TSPAN9: variants seen among roughly 807,000 people sequenced by gnomAD.
The protein encoded by TSPAN9 is tetraspanin-9.
TSPAN9 carries 16 observed loss-of-function variants against 31.0 expected under a neutral mutation model. That is an observed-to-expected ratio of 0.52 (90% confidence interval 0.35 to 0.78). The LOEUF is 0.78. Ranked by LOEUF, TSPAN9 falls within the 30% of genes least tolerant of loss-of-function variation. The pLI, the probability that TSPAN9 is intolerant of heterozygous loss-of-function variation, is 0.01. For synonymous variants in TSPAN9, 145 were observed against 121.6 expected (o/e 1.19, Z -1.27); for missense variants, 272 against 312.5 (o/e 0.87, Z 0.98).
In TSPAN9 at chr12:3,233,075, C is replaced by T. The variant is rs572661835; in HGVS notation, c.63+31819C>T. 2.0e-5 allele frequency among the ~76,000 whole-genome samples: 3 copies of T among 152,284 alleles called. No individual in the cohort carries two copies. In the South Asian group the frequency reaches 6.2e-4, roughly 32 times the overall value. ...CACAGGTGTGGGGAGGAAAGCCACCCAGGAATGGGGACAGAGAACTTGAGA... is the reference window on the plus strand; with the variant it reads ...CACAGGTGTGGGGAGGAAAGCCACCTAGGAATGGGGACAGAGAACTTGAGA... On this transcript the variant is annotated intron_variant, in intron 3 of 8. Coordinates refer to ENST00000011898, the MANE Select transcript of TSPAN9 (RefSeq NM_006675.5).
chr12:3,118,256 GTTTTTT>G (rs72307230), intron 2 of TSPAN9, among the ~76,000 whole-genome samples: 2,590 of 31,478 alleles, frequency 0.082, 148 homozygotes, highest in African/African-American at 0.21. Flanking sequence ...TGCACCCGCC[GTTTTTT>G]TTTTTTTTTT....
At chr12:3,231,478 G>GA (rs1214938305) in intron 3 of TSPAN9, among the ~76,000 whole-genome samples, 12 of 152,188 alleles carry the variant, frequency 7.9e-5, no homozygotes, top group African/African-American at 2.9e-4. Context: ...GCGTCACTAC[G>GA]GAGAGATGCC....
At position 3,077,408 on chromosome 12, in the gene TSPAN9, T is replaced by C. The variant is rs1252231920; in HGVS notation, c.-130T>C. 1 of 142,558 alleles carries C rather than the reference T, an allele frequency of 7.0e-6. No individual in the cohort carries two copies. The highest frequency in any genetic ancestry group is 2.6e-5 in the African/African-American group (1 of 38,204). The allele number at this position is 142,558 out of a possible 1,614,324, so 8.8% of individuals were successfully genotyped here. On this transcript the variant is annotated 5_prime_UTR_variant, in exon 1 of 9. Coordinates refer to ENST00000011898, the MANE Select transcript of TSPAN9 (RefSeq NM_006675.5). ...CCGCTGGCGGCGGCGGCGGCGGCGGTGCCGGAGCGCGAGCAGAGCGGAGAC... is the reference window on the plus strand; with the variant it reads ...CCGCTGGCGGCGGCGGCGGCGGCGGCGCCGGAGCGCGAGCAGAGCGGAGAC...
intron 8 of TSPAN9, among the ~76,000 whole-genome samples, chr12:3,282,299 C>G (rs1862910183): frequency 6.6e-6 from 1 of 152,184 alleles, no homozygotes; most frequent in Admixed American, 6.5e-5. Context: ...GTGACGTGGT[C>G]CTGAGCACAC....
chr12:3,175,831 C>T (rs776249764), intron 2 of TSPAN9, among the ~76,000 whole-genome samples: 2 of 152,142 alleles, frequency 1.3e-5, no homozygotes, highest in Non-Finnish European at 2.9e-5. Context: ...TACTTAACAC[C>T]GACCCTGGAA....
In TSPAN9 at chr12:3,280,666, A is replaced by G. The variant is rs1294750395; in HGVS notation, c.432+183A>G. 3.3e-5 allele frequency among the ~76,000 whole-genome samples: 5 copies of G among 152,228 alleles called. No homozygotes were observed. On this transcript the variant is annotated intron_variant, in intron 6 of 8. Coordinates refer to ENST00000011898, the MANE Select transcript of TSPAN9 (RefSeq NM_006675.5). The surrounding 1 kb of genome is among the most constrained non-coding windows in gnomAD (Gnocchi z 4.5). ...AGTCAGATGTGATACAGCAAGGTAC[A>G]GCCAGGGAGGGATGAGGATACAGGA...
At chr12:3,230,424 T>C (rs1281382756) in intron 3 of TSPAN9, among the ~76,000 whole-genome samples, 1 of 152,080 alleles carries the variant, frequency 6.6e-6, no homozygotes, top group Non-Finnish European at 1.5e-5. Context: ...ACCGTCTCCT[T>C]TTTCCCTGCC....
intron 3 of TSPAN9, among the ~76,000 whole-genome samples, chr12:3,257,536 A>G (rs1325576295): frequency 6.6e-6 from 1 of 151,754 alleles, no homozygotes; most frequent in African/African-American, 2.4e-5. Context: ...TGCTTGTCCT[A>G]TTACAAACTC....
At chr12:3,188,048 A>G (rs2098362344) in intron 2 of TSPAN9, among the ~76,000 whole-genome samples, 1 of 152,178 alleles carries the variant, frequency 6.6e-6, no homozygotes, top group Admixed American at 6.5e-5. Flanking sequence ...ATTCATCAGC[A>G]TAGGTGTCTC....
In TSPAN9 at chr12:3,141,872, C is replaced by T. The variant is rs553499202; in HGVS notation, c.-18+58153C>T. 3.3e-5 allele frequency among the ~76,000 whole-genome samples: 5 copies of T among 152,298 alleles called. No homozygotes were observed. In the South Asian group the frequency reaches 1.0e-3, roughly 32 times the overall value. On this transcript the variant is annotated intron_variant, in intron 2 of 8. Transcript: ENST00000011898. ...AGCCCCACATCAGAACAAGTCACCT[C>T]CTCCCAGTGGCAGCCACCTCAGACT...
At chr12:3,264,403 CG>C (rs1465629471) in intron 3 of TSPAN9, among the ~76,000 whole-genome samples, 3 of 152,198 alleles carry the variant, frequency 2.0e-5, no homozygotes, top group Non-Finnish European at 4.4e-5. Context: ...ACTTGTTTTA[CG>C]GTCCAGAGCA....
chr12:3,129,934 T>C (rs71458042), intron 2 of TSPAN9, among the ~76,000 whole-genome samples: 20,716 of 152,174 alleles, frequency 0.14, 1,733 homozygotes, highest in Middle Eastern at 0.23. Context: ...ATGCCCTCTG[T>C]GCATTCAGAT....
chr12:3,276,309 C>G (rs1862785478), intron 3 of TSPAN9, among the ~76,000 whole-genome samples: 1 of 152,234 alleles, frequency 6.6e-6, no homozygotes, highest in African/African-American at 2.4e-5. Flanking sequence ...CACTCTCCAG[C>G]TCTGGGACCT....
intron 3 of TSPAN9, 149 bp downstream of exon 3, chr12:3,201,405 C>G (rs1023623960): frequency 5.9e-6 from 4 of 681,460 alleles, no homozygotes; most frequent in Non-Finnish European, 9.9e-6. Flanking sequence ...CCCCCGCCCC[C>G]CTTTCATGCA....
intron 3 of TSPAN9, among the ~76,000 whole-genome samples, chr12:3,269,134 G>C (rs1479525432): frequency 6.9e-5 from 5 of 72,966 alleles, no homozygotes; most frequent in African/African-American, 1.5e-4. Context: ...CCTGCCCTCT[G>C]TGCGTTCCTG....
chr12:3,152,637 G>C (rs1370475475), intron 2 of TSPAN9, among the ~76,000 whole-genome samples: 1 of 151,848 alleles, frequency 6.6e-6, no homozygotes, highest in Non-Finnish European at 1.5e-5. Flanking sequence ...CCAGGCTGGT[G>C]TGCAGTGGCG....
intron 2 of TSPAN9, among the ~76,000 whole-genome samples, chr12:3,157,581 C>T (rs1014898433): frequency 6.6e-6 from 1 of 152,176 alleles, no homozygotes; most frequent in East Asian, 1.9e-4. Flanking sequence ...CTAAAATAGT[C>T]TTTGGCATAT....
intron 3 of TSPAN9, among the ~76,000 whole-genome samples, chr12:3,274,055 TTCTCAAAC>T (rs1189370831): frequency 3.3e-5 from 5 of 152,134 alleles, no homozygotes; most frequent in African/African-American, 1.2e-4. Flanking sequence ...GGGGCGGGGT[TTCTCAAAC>T]TCTATTGACA....
At chr12:3,182,229 G>T (rs2098358887) in intron 2 of TSPAN9, among the ~76,000 whole-genome samples, 1 of 152,002 alleles carries the variant, frequency 6.6e-6, no homozygotes, top group Non-Finnish European at 1.5e-5. Context: ...AGATCAGACT[G>T]GCTTTCTGCT....
Sources: allele counts gnomAD v4.1 joint callset (sites outside exome capture counted in the v4.1 genomes callset), GRCh38; gene constraint gnomAD v4.1.1; non-coding constraint Gnocchi (gnomAD v3.1); transcripts MANE v1.5; gene names NCBI Gene and HGNC (gene_info 2026-07-23, HGNC 2026-07-21).